ADA: variants seen among roughly 807,000 people sequenced by gnomAD.
ADA encodes adenosine aminohydrolase.
A neutral mutation model predicts 49.0 loss-of-function variants in ADA; 45 were observed. That is an observed-to-expected ratio of 0.92 (90% confidence interval 0.72 to 1.18). The LOEUF (loss-of-function observed/expected upper bound fraction) is 1.18, where lower values mean the gene tolerates loss of function less well. Among genes scored for constraint, ADA ranks in the 50% most tolerant of loss-of-function variants. The pLI is 0.00. For missense variants in ADA, 445 were observed against 472.5 expected (o/e 0.94, Z 0.54); for synonymous variants, 173 against 184.2 (o/e 0.94, Z 0.49).
chr20:44,638,541 C>T (rs1358944758), intron 1 of ADA, among the ~76,000 whole-genome samples: 1 of 152,218 alleles, frequency 6.6e-6, no homozygotes, highest in East Asian at 1.9e-4. Context: ...TACGCCACTG[C>T]ACTCCAGCCT....
rs147026581 is a variant in ADA at position 44,647,960 on chromosome 20, C to T, written c.33+3615G>A. Among the ~76,000 whole-genome samples the T allele has an allele frequency of 1.1e-4, 16 of 152,044 alleles. No homozygotes were observed. The East Asian group carries it at 2.9e-3, about 27-fold the overall frequency. On this transcript the variant is annotated intron_variant, in intron 1 of 11. Transcript: ENST00000372874. Reference sequence around the variant, plus strand: ...ACTTGGGAGGCTGAGGCAGGAGGATCGCATGAACCCAGGAGGCAGAGGTTG... The same window carrying T: ...ACTTGGGAGGCTGAGGCAGGAGGATTGCATGAACCCAGGAGGCAGAGGTTG...
In ADA at chr20:44,624,275, A is replaced by G. The variant is rs779346543; in HGVS notation, c.533T>C (p.Val178Ala). 6.2e-7 allele frequency: 1 copy of G among 1,614,052 alleles called. No individual in the cohort carries two copies. Among genetic ancestry groups the G allele is most frequent in the South Asian group, 1.1e-5 (1 of 91,086 alleles). Residue 178 changes from valine to alanine, a missense_variant, in exon 6 of 12, where the codon GTA (valine) becomes GCA (alanine). Val to Ala is a moderately conservative substitution (Grantham distance 64, BLOSUM62 0). Coordinates refer to ENST00000372874, the MANE Select transcript of ADA (RefSeq NM_000022.4). ...LCKKYQQQTV[V>A]AIDLAGDETI... ...CTCATCTCCAGCCAGGTCAATGGCT[A>G]CCACGGTCTGCTGCTGGTACTTCTT...
At chr20:44,651,512 G>T in intron 1 of ADA, 63 bp downstream of exon 1, 1 of 1,486,060 alleles carries the variant, frequency 6.7e-7, no homozygotes, top group Middle Eastern at 1.7e-4. Flanking sequence ...GCTGGGCCCC[G>T]CTAAGCCCCT....
At chr20:44,621,783 G>C (rs112351694) in intron 9 of ADA, among the ~76,000 whole-genome samples, 8,826 of 152,004 alleles carry the variant, frequency 0.058, 310 homozygotes, top group African/African-American at 0.086. Flanking sequence ...GGCCCTTCTT[G>C]CTCCACCACC....
intron 1 of ADA, among the ~76,000 whole-genome samples, chr20:44,642,451 G>C (rs1342801890): frequency 1.3e-5 from 2 of 152,234 alleles, no homozygotes; most frequent in Non-Finnish European, 2.9e-5. Context: ...ATCACTTAAA[G>C]GGGGAGTTCG....
intron 5 of ADA, among the ~76,000 whole-genome samples, chr20:44,625,345 C>A (rs538747368): frequency 9.9e-5 from 15 of 152,094 alleles, no homozygotes; most frequent in Non-Finnish European, 1.5e-4. Flanking sequence ...TGCAGGGTGG[C>A]TATAAAGGCA....
At chr20:44,624,853 C>T (rs244075) in intron 5 of ADA, among the ~76,000 whole-genome samples, 35,724 of 152,186 alleles carry the variant, frequency 0.23, 5,052 homozygotes, top group African/African-American at 0.4. Context: ...TAGATGTCCC[C>T]GGATACAAAT....
At position 44,629,086 on chromosome 20, in the gene ADA, T is replaced by C. The variant is rs760262095; in HGVS notation, c.179A>G (p.Asp60Gly). 32 of 1,614,058 alleles carry C rather than the reference T, an allele frequency of 2.0e-5. No homozygotes were observed. The highest frequency in any genetic ancestry group is 2.6e-5 in the Non-Finnish European group (31 of 1,180,032). Residue 60 changes from aspartate to glycine, a missense_variant, in exon 3 of 12, where the codon GAC becomes GGC. Coordinates refer to ENST00000372874, the MANE Select transcript of ADA (RefSeq NM_000022.4). ...GTAGTAGTCAAACTTGGCCAGGAAG[T>C]CTGGAAGGGTGAGCGGCTTGTCCAT... ...IGMDKPLTLP[D>G]FLAKFDYYMP...
intron 2 of ADA, among the ~76,000 whole-genome samples, chr20:44,630,736 T>C (rs979341010): frequency 1.3e-5 from 2 of 151,846 alleles, no homozygotes; most frequent in African/African-American, 4.8e-5. Context: ...AGCAGAAAAA[T>C]AGGAGGCCGG....
At chr20:44,640,007 G>T (rs1031896006) in intron 1 of ADA, among the ~76,000 whole-genome samples, 1 of 152,012 alleles carries the variant, frequency 6.6e-6, no homozygotes, top group Non-Finnish European at 1.5e-5. Flanking sequence ...AGGCCAGGCC[G>T]TCAGATGTCA....
intron 6 of ADA, among the ~76,000 whole-genome samples, chr20:44,623,696 CT>C (rs2065354089): frequency 6.6e-6 from 1 of 151,416 alleles, no homozygotes; most frequent in South Asian, 2.1e-4. Flanking sequence ...CTCCCTTCCT[CT>C]TTTTCCTTCC....
chr20:44,626,276 G>T, intron 4 of ADA, 180 bp downstream of exon 4: 1 of 843,068 alleles, frequency 1.2e-6, no homozygotes, highest in Non-Finnish European at 1.9e-6. Context: ...GCAAAGGGAG[G>T]ATGGGAACCA....
intron 1 of ADA, among the ~76,000 whole-genome samples, chr20:44,643,936 G>A (rs1294871950): frequency 6.6e-6 from 1 of 151,982 alleles, no homozygotes; most frequent in African/African-American, 2.4e-5. Context: ...GAGGTCCAGG[G>A]CGGTGGGTTC....
At chr20:44,638,049 CAG>C (rs1041500258) in intron 1 of ADA, among the ~76,000 whole-genome samples, 4 of 152,190 alleles carry the variant, frequency 2.6e-5, no homozygotes, top group African/African-American at 9.7e-5. Flanking sequence ...AGGGCCCAGC[CAG>C]AGAGCCGGAG....
chr20:44,627,859 A>G (rs1600926288), intron 3 of ADA, among the ~76,000 whole-genome samples: 1 of 152,238 alleles, frequency 6.6e-6, no homozygotes, highest in Admixed American at 6.5e-5. Flanking sequence ...ACCCCTGGTT[A>G]GTCACCCTCT....
intron 1 of ADA, among the ~76,000 whole-genome samples, chr20:44,649,284 C>T (rs1479890141): frequency 2.6e-5 from 4 of 152,048 alleles, no homozygotes; most frequent in African/African-American, 9.7e-5. Context: ...TCTGTCCCTC[C>T]CACAAGAGGG....
intron 1 of ADA, among the ~76,000 whole-genome samples, chr20:44,650,570 G>A (rs1460199346): frequency 2.0e-5 from 3 of 151,956 alleles, no homozygotes; most frequent in Non-Finnish European, 4.4e-5. Flanking sequence ...TGGGACTACG[G>A]GAGTGCACCA....
intron 1 of ADA, among the ~76,000 whole-genome samples, chr20:44,638,070 T>C (rs111541466): frequency 5.7e-4 from 87 of 152,244 alleles, no homozygotes; most frequent in African/African-American, 2.1e-3. Flanking sequence ...AGTCACACTG[T>C]ATAGAGCATC....
intron 1 of ADA, among the ~76,000 whole-genome samples, chr20:44,642,604 G>GA (rs1454632238): frequency 6.6e-6 from 1 of 152,126 alleles, no homozygotes; most frequent in Non-Finnish European, 1.5e-5. Context: ...GGGCAAAGTG[G>GA]AGAGGGGGCA....
Sources: gnomAD v4.1 joint callset for allele counts (sites outside exome capture counted in the v4.1 genomes callset) on GRCh38, gnomAD v4.1.1 for gene constraint, MANE v1.5 for transcripts, NCBI Gene and HGNC (gene_info 2026-07-23, HGNC 2026-07-21) for gene names.